Variants in ATP6V1C2 observed in about 807,000 individuals in gnomAD.
ATP6V1C2 encodes ATPase H+ transporting V1 subunit C2, also known as V-type proton ATPase subunit C 2.
ATP6V1C2 carries 45 observed loss-of-function variants against 56.8 expected under a neutral mutation model. The observed-to-expected ratio is 0.79, with a 90% CI of 0.62 to 1.02. The LOEUF (loss-of-function observed/expected upper bound fraction) is 1.02, where lower values mean the gene tolerates loss of function less well. Ranked by LOEUF, ATP6V1C2 falls within the 50% of genes least tolerant of loss-of-function variation. The pLI, the probability that ATP6V1C2 is intolerant of heterozygous loss-of-function variation, is 0.00. For synonymous variants in ATP6V1C2, 220 were observed against 201.3 expected (o/e 1.09, Z -0.79); for missense variants, 463 against 519.7 (o/e 0.89, Z 1.06).
At chr2:10,782,560 T>C (rs1393769711) in intron 13 of ATP6V1C2, among the ~76,000 whole-genome samples, 185 bp downstream of exon 13, 1 of 151,852 alleles carries the variant, frequency 6.6e-6, no homozygotes, top group Non-Finnish European at 1.5e-5. Flanking sequence ...GGGCTGGGCA[T>C]AGTGGCTCAC....
rs1252962431 is a variant in ATP6V1C2 at position 10,780,010 on chromosome 2, A to G, written c.1061+1341A>G. Among the ~76,000 whole-genome samples, 1 of 151,726 alleles carries G rather than the reference A, an allele frequency of 6.6e-6. No individual in the cohort carries two copies. The highest frequency in any genetic ancestry group is 1.5e-5 in the Non-Finnish European group (1 of 67,922). ...CTCCTGGGCTCCTCCAGCCCCTGAGACCCTCTGTGTGACCTTCCGGACCCC... is the reference window on the plus strand; with the variant it reads ...CTCCTGGGCTCCTCCAGCCCCTGAGGCCCTCTGTGTGACCTTCCGGACCCC... On this transcript the variant is annotated intron_variant, in intron 12 of 13. Coordinates refer to ENST00000272238, the MANE Select transcript of ATP6V1C2 (RefSeq NM_001039362.2). This position sits in a 1 kb window ranked among gnomAD's most constrained non-coding sequence, Gnocchi z 4.1.
At chr2:10,731,176 TG>T (rs534925152) in intron 3 of ATP6V1C2, among the ~76,000 whole-genome samples, 297 of 150,472 alleles carry the variant, frequency 2.0e-3, no homozygotes, top group Non-Finnish European at 3.4e-3. Context: ...CTCGAACTCC[TG>T]GGCTCTAGCA....
intron 13 of ATP6V1C2, among the ~76,000 whole-genome samples, chr2:10,782,746 G>C (rs371432139): frequency 1.4e-5 from 2 of 143,370 alleles, no homozygotes; most frequent in African/African-American, 5.1e-5. Context: ...CAGGAGAATC[G>C]CTTGAACCTG....
intron 3 of ATP6V1C2, among the ~76,000 whole-genome samples, chr2:10,733,811 T>TG (rs1662100486): frequency 6.6e-6 from 1 of 152,160 alleles, no homozygotes; most frequent in African/African-American, 2.4e-5. Flanking sequence ...TGCTTGCCCC[T>TG]AAGTGCTTCC....
At chr2:10,736,107 C>A (rs977447001) in intron 3 of ATP6V1C2, among the ~76,000 whole-genome samples, 1 of 152,182 alleles carries the variant, frequency 6.6e-6, no homozygotes, top group African/African-American at 2.4e-5. Context: ...CTGGTCTCCA[C>A]CCCGAGAATC....
chr2:10,749,641 T>C (rs1051533048), intron 3 of ATP6V1C2, among the ~76,000 whole-genome samples: 5 of 152,158 alleles, frequency 3.3e-5, no homozygotes, highest in African/African-American at 1.2e-4. Context: ...TTAGTCTTGC[T>C]TGTTAAAACT....
intron 1 of ATP6V1C2, among the ~76,000 whole-genome samples, chr2:10,722,547 G>C (rs1164504963): frequency 6.6e-6 from 1 of 152,132 alleles, no homozygotes; most frequent in Admixed American, 6.5e-5. Flanking sequence ...GCCTGATAGG[G>C]GTTGTTCACT....
intron 8 of ATP6V1C2, 90 bp from the exon 9 acceptor site, chr2:10,774,698 G>A (rs1572610235): frequency 9.0e-7 from 1 of 1,110,166 alleles, no homozygotes; most frequent in Non-Finnish European, 1.4e-6. Flanking sequence ...ATGGACCCCA[G>A]GTGCAGGCCA....
chr2:10,732,953 G>A (rs1440876181), intron 3 of ATP6V1C2, among the ~76,000 whole-genome samples: 1 of 140,604 alleles, frequency 7.1e-6, no homozygotes, highest in African/African-American at 2.8e-5. Context: ...CCTGACGACA[G>A]AGCAAGACTG....
rs1472531571 is a variant in ATP6V1C2, at chr2:10,774,852, G to A, written c.703G>A (p.Asp235Asn). 6.2e-7 allele frequency: 1 copy of A among 1,614,094 alleles called. No homozygotes were observed. Among genetic ancestry groups the A allele is most frequent in the Non-Finnish European group, 8.5e-7 (1 of 1,180,042 alleles). ...TVTLFRKVIEDFKTKAKENKF... is the reference protein window; with the variant it reads ...TVTLFRKVIENFKTKAKENKF... ...GACTCTGTTTCGAAAAGTGATTGAA[G>A]ATTTCAAAACCAAGGCCAAAGAAAA... Residue 235 changes from aspartate (D) to asparagine (N), a missense_variant, in exon 9 of 14, where the codon GAT becomes AAT. By Grantham distance (23) the Asp-to-Asn change is conservative. Coordinates refer to ENST00000272238, the MANE Select transcript of ATP6V1C2 (RefSeq NM_001039362.2).
chr2:10,760,409 G>A lies in ATP6V1C2; in HGVS notation c.284-3922G>A, dbSNP rs560485356. Among the ~76,000 whole-genome samples, 5 of 152,198 alleles carry A rather than the reference G, an allele frequency of 3.3e-5. No individual in the cohort carries two copies. The South Asian group carries it at 6.2e-4, about 19-fold the overall frequency. On this transcript the variant is annotated intron_variant, in intron 4 of 13. Coordinates refer to ENST00000272238, the MANE Select transcript of ATP6V1C2 (RefSeq NM_001039362.2). ...AAGGCCAGAGGGGTGGCAGAGGGCCGTCCTCAGACAACATTCTTTCCAAAG... is the reference window on the plus strand; with the variant it reads ...AAGGCCAGAGGGGTGGCAGAGGGCCATCCTCAGACAACATTCTTTCCAAAG...
rs1665149534 is a variant in ATP6V1C2 at position 10,778,594 on chromosome 2, A to G, written c.986A>G (p.Lys329Arg). The change falls in exon 12 of 14, where the codon AAG (lysine) becomes AGG (arginine). Residue 329 changes from lysine to arginine, a missense_variant. Coordinates refer to ENST00000272238, the MANE Select transcript of ATP6V1C2 (RefSeq NM_001039362.2). ...CAGGGCCCCCTGCTGCGCTGGCTCA[A>G]GGTGAACTTCAGTGAAGCCTTCATT... is the stretch of plus-strand genomic sequence containing the variant. ...EGEGPLLRWL[K>R]VNFSEAFIAW... is the part of the protein sequence containing the mutation. 6.2e-7 allele frequency: 1 copy of G among 1,614,066 alleles called. No individual in the cohort carries two copies. The highest frequency in any genetic ancestry group is 1.1e-5 in the South Asian group (1 of 91,090).
At position 10,753,989 on chromosome 2, in the gene ATP6V1C2, G is replaced by A. The variant is rs1041498514; in HGVS notation, c.206G>A (p.Arg69Lys). The change falls in exon 4 of 14, where the codon AGG becomes AAG. Residue 69 changes from arginine (R) to lysine (K), a missense_variant. Physicochemically the swap from Arg to Lys is conservative, Grantham distance 26. Coordinates refer to ENST00000272238, the MANE Select transcript of ATP6V1C2 (RefSeq NM_001039362.2). ...TTCTTCTCTCTCCAAAGCCTCATAA[G>A]GAGAATGGCTCAGAGCGTGGTGGAA... is the stretch of plus-strand genomic sequence containing the variant. ...KLDTFAESLIRRMAQSVVEVM... is the reference protein window; with the variant it reads ...KLDTFAESLIKRMAQSVVEVM... The A allele has an allele frequency of 6.2e-7, 1 of 1,605,328 alleles. No homozygotes were observed. Among genetic ancestry groups the A allele is most frequent in the Non-Finnish European group, 8.5e-7 (1 of 1,175,096 alleles).
At chr2:10,778,387 C>T in intron 11 of ATP6V1C2, 185 bp from the exon 12 acceptor site, 1 of 600,472 alleles carries the variant, frequency 1.7e-6, no homozygotes, top group Non-Finnish European at 2.9e-6. Context: ...GCTTCCCCGG[C>T]ACCAGGTGCC....
intron 3 of ATP6V1C2, among the ~76,000 whole-genome samples, chr2:10,740,116 G>A (rs542617255): frequency 6.6e-6 from 1 of 151,090 alleles, no homozygotes; most frequent in African/African-American, 2.4e-5. Flanking sequence ...AAAGAAAGTT[G>A]CATGCCCAGA....
chr2:10,744,569 C>T (rs1214069730), intron 3 of ATP6V1C2, among the ~76,000 whole-genome samples: 2 of 151,326 alleles, frequency 1.3e-5, no homozygotes, highest in African/African-American at 2.4e-5. Flanking sequence ...ACTTGAACTA[C>T]GTAAGGGGAA....
At chr2:10,772,073 G>T (rs1317130630) in intron 7 of ATP6V1C2, 136 bp downstream of exon 7, 1 of 754,606 alleles carries the variant, frequency 1.3e-6, no homozygotes, top group African/African-American at 1.7e-5. Context: ...ATTCCTTCAT[G>T]GGGCCCTGCC....
intron 3 of ATP6V1C2, among the ~76,000 whole-genome samples, chr2:10,743,448 G>A (rs1448507695): frequency 6.6e-6 from 1 of 151,406 alleles, no homozygotes; most frequent in East Asian, 1.9e-4. Context: ...TATATCAGAT[G>A]GGTCCCTAGT....
intron 6 of ATP6V1C2, 94 bp from the exon 7 acceptor site, chr2:10,771,745 A>T: frequency 1.1e-6 from 1 of 926,082 alleles, no homozygotes. Flanking sequence ...CTTCCTTGAG[A>T]ACTGCCCCCA....
Sources: allele counts gnomAD v4.1 joint callset (sites outside exome capture counted in the v4.1 genomes callset), GRCh38; gene constraint gnomAD v4.1.1; non-coding constraint Gnocchi (gnomAD v3.1); transcripts MANE v1.5; gene names NCBI Gene and HGNC (gene_info 2026-07-23, HGNC 2026-07-21).